The following ARHGEF3 variants were observed in gnomAD, a reference collection of about 807,000 sequenced individuals.
ARHGEF3 encodes Rho guanine nucleotide exchange factor 3.
In ARHGEF3, 28 loss-of-function variants were observed where a neutral mutation model predicts 63.2. That is an observed-to-expected ratio of 0.44 (90% confidence interval 0.33 to 0.61). The LOEUF (loss-of-function observed/expected upper bound fraction) is 0.61, where lower values mean the gene tolerates loss of function less well. Among genes scored for constraint, ARHGEF3 ranks in the 20% least tolerant of loss-of-function variants. ARHGEF3 has a pLI of 0.03. For synonymous variants in ARHGEF3, 266 were observed against 254.2 expected, an observed-to-expected ratio of 1.05 and a Z score of -0.44; for missense variants, 533 against 659.3, an observed-to-expected ratio of 0.81 and a Z score of 2.10.
At chr3:57,062,216 C>T (rs1009134342) in intron 1 of ARHGEF3, among the ~76,000 whole-genome samples, 4 of 152,222 alleles carry the variant, frequency 2.6e-5, no homozygotes, top group Admixed American at 1.3e-4. Flanking sequence ...ACCCTCCCCT[C>T]GCAGCTCCAC....
chr3:56,755,542 T>C (rs1420561337), intron 2 of ARHGEF3, among the ~76,000 whole-genome samples: 1 of 152,236 alleles, frequency 6.6e-6, no homozygotes, highest in African/African-American at 2.4e-5. Context: ...TTCAAACATT[T>C]GGCCAGTACT....
intron 1 of ARHGEF3, among the ~76,000 whole-genome samples, chr3:56,787,186 A>G (rs1233601848): frequency 2.0e-5 from 3 of 152,154 alleles, no homozygotes; most frequent in Non-Finnish European, 4.4e-5. Context: ...GAAGGGCACA[A>G]GGATGAAGTG....
chr3:57,008,208 T>C (rs1347578675), intron 2 of ARHGEF3, among the ~76,000 whole-genome samples: 1 of 152,190 alleles, frequency 6.6e-6, no homozygotes, highest in East Asian at 1.9e-4. Context: ...CTTTTCAGTA[T>C]GATTAATCCC....
intron 4 of ARHGEF3, among the ~76,000 whole-genome samples, chr3:56,878,940 G>A (rs1035606062): frequency 1.3e-5 from 2 of 152,188 alleles, no homozygotes; most frequent in Admixed American, 1.3e-4. Context: ...CAGCGGTGGA[G>A]ACTTTAGATT....
chr3:56,827,487 T>A (rs1261929721), intron 4 of ARHGEF3, among the ~76,000 whole-genome samples: 3 of 152,086 alleles, frequency 2.0e-5, no homozygotes, highest in Non-Finnish European at 4.4e-5. Context: ...TCATGTGTAA[T>A]GGGGGATTAT....
intron 1 of ARHGEF3, among the ~76,000 whole-genome samples, chr3:56,788,049 A>G (rs1185702546): frequency 6.6e-6 from 1 of 152,154 alleles, no homozygotes; most frequent in Non-Finnish European, 1.5e-5. Context: ...GTGGAGGAGG[A>G]CAGAATGTTC....
At position 57,077,958 on chromosome 3, in the gene ARHGEF3, T is replaced by A. The variant is rs559681638; in HGVS notation, c.-28+1268A>T. ...AAGCACCACCAGCTCCTTACCAGAA[T>A]AAGGGGAAGGAGCAACTGCCTGCAC... On this transcript the variant is annotated intron_variant, in intron 1 of 12. Coordinates refer to the ARHGEF3 transcript ENST00000338458. 2.9e-4 allele frequency among the ~76,000 whole-genome samples: 44 copies of A among 152,242 alleles called. No individual in the cohort carries two copies. In the Middle Eastern group the frequency reaches 0.014, roughly 47 times the overall value.
intron 1 of ARHGEF3, among the ~76,000 whole-genome samples, chr3:56,777,876 C>G (rs575382439): frequency 6.6e-6 from 1 of 152,302 alleles, no homozygotes; most frequent in Admixed American, 6.5e-5. Flanking sequence ...TACATCTGGC[C>G]AGGAGCAAGG....
intron 3 of ARHGEF3, among the ~76,000 whole-genome samples, chr3:56,913,809 G>C (rs1311234332): frequency 3.3e-5 from 5 of 152,168 alleles, no homozygotes; most frequent in Non-Finnish European, 7.3e-5. Flanking sequence ...AGGAAAAGAA[G>C]TCATTATACG....
chr3:57,006,738 C>T (rs1261825118), intron 2 of ARHGEF3, among the ~76,000 whole-genome samples: 2 of 152,146 alleles, frequency 1.3e-5, no homozygotes, highest in Non-Finnish European at 2.9e-5. Context: ...TGCCTGCTCT[C>T]GACACCCCCC....
At chr3:56,940,533 T>C (rs1005921953) in intron 3 of ARHGEF3, 1 of 152,204 alleles carries the variant, frequency 6.6e-6, no homozygotes, top group African/African-American at 2.4e-5. Flanking sequence ...GTTCCTGGCA[T>C]ATTTTTGGTG....
At chr3:56,800,280 A>G (rs1176975373) in intron 1 of ARHGEF3, among the ~76,000 whole-genome samples, 1 of 152,214 alleles carries the variant, frequency 6.6e-6, no homozygotes, top group Non-Finnish European at 1.5e-5. Flanking sequence ...TTGAGTGGGC[A>G]CCAATTGCGC....
Position 56,947,869 on chromosome 3 carries a change from T to C in ARHGEF3, c.129+10954A>G, listed in dbSNP as rs1415162984. ...CGCACTTATTCCAAAATTGACCACA[T>C]AGTTGGAAGTAAAGCACTCCTCAGC... is the stretch of plus-strand genomic sequence containing the variant. On this transcript the variant is annotated intron_variant, in intron 3 of 12. Transcript: ENST00000338458. Among the ~76,000 whole-genome samples, 6 of 152,284 alleles carry C rather than the reference T, an allele frequency of 3.9e-5. No individual in the cohort carries two copies. In the East Asian group the frequency reaches 7.7e-4, roughly 20 times the overall value.
chr3:56,827,694 T>G (rs2038772975), intron 4 of ARHGEF3, among the ~76,000 whole-genome samples: 1 of 128,808 alleles, frequency 7.8e-6, no homozygotes, highest in Non-Finnish European at 1.5e-5. Context: ...GTGAGCAAAT[T>G]ACTTGAGCCT....
chr3:57,033,751 A>G (rs1703832612), intron 2 of ARHGEF3, among the ~76,000 whole-genome samples: 1 of 152,144 alleles, frequency 6.6e-6, no homozygotes, highest in Non-Finnish European at 1.5e-5. Flanking sequence ...TTTATAAATA[A>G]AATTAATTTT....
At chr3:56,949,230 G>T (rs1699677147) in intron 3 of ARHGEF3, among the ~76,000 whole-genome samples, 1 of 152,004 alleles carries the variant, frequency 6.6e-6, no homozygotes, top group East Asian at 1.9e-4. Flanking sequence ...AGACAGGGAT[G>T]CCCTCTCTCA....
chr3:56,927,220 A>C (rs925247633), intron 3 of ARHGEF3, among the ~76,000 whole-genome samples: 1 of 152,248 alleles, frequency 6.6e-6, no homozygotes, highest in Non-Finnish European at 1.5e-5. Context: ...TGTGAGAATC[A>C]AATAAGTCAA....
At chr3:56,762,047 C>T (rs138787476) in intron 2 of ARHGEF3, among the ~76,000 whole-genome samples, 3 of 152,252 alleles carry the variant, frequency 2.0e-5, no homozygotes, top group East Asian at 1.9e-4. Flanking sequence ...TAGGATATTT[C>T]GCATCATCTT....
At chr3:56,837,122 AAG>A (rs2039139634) in intron 4 of ARHGEF3, among the ~76,000 whole-genome samples, 1 of 152,204 alleles carries the variant, frequency 6.6e-6, no homozygotes. Flanking sequence ...AAAGAAAGTG[AAG>A]AGTCAGGATC....
Sources: allele counts gnomAD v4.1 joint callset (sites outside exome capture counted in the v4.1 genomes callset), GRCh38; gene constraint gnomAD v4.1.1; transcripts MANE v1.5; gene names NCBI Gene and HGNC (gene_info 2026-07-23, HGNC 2026-07-21).